The following NIPAL1 variants were observed in gnomAD, a reference collection of about 807,000 sequenced individuals.
NIPAL1 encodes the protein magnesium transporter NIPA3.
Under a neutral mutation model 37.7 loss-of-function variants are expected in NIPAL1, and 35 were observed. The observed-to-expected ratio is 0.93, with a 90% CI of 0.71 to 1.23. The LOEUF is 1.23. Among genes scored for constraint, NIPAL1 ranks in the 50% most tolerant of loss-of-function variants. The pLI, the probability that NIPAL1 is intolerant of heterozygous loss-of-function variation, is 0.00. For synonymous variants in NIPAL1, 162 were observed against 183.0 expected, an observed-to-expected ratio of 0.89 and a Z score of 0.93; for missense variants, 412 against 473.9, an observed-to-expected ratio of 0.87 and a Z score of 1.21.
intron 1 of NIPAL1, among the ~76,000 whole-genome samples, chr4:48,021,627 G>A (rs1715569375): frequency 6.6e-6 from 1 of 151,996 alleles, no homozygotes; most frequent in Non-Finnish European, 1.5e-5. Flanking sequence ...GTTATACAGT[G>A]GAATTCTCTA....
In NIPAL1 at chr4:48,025,396, A is replaced by T; in HGVS notation, c.313+62A>T. The T allele has an allele frequency of 3.4e-6, 5 of 1,462,208 alleles. No homozygotes were observed. In the East Asian group the frequency reaches 1.1e-4, roughly 33 times the overall value. The allele number at this position is 1,462,208 out of a possible 1,614,324, so 90.6% of individuals were successfully genotyped here. A position where few individuals can be genotyped will look rare whatever the true frequency, so the allele number is the denominator to read the frequency against. ...AACTGCAGAAATGATGTGAGGCCAC[A>T]TCTCAGCAATACTCTTATAAACTTG... On this transcript the variant is annotated intron_variant, in intron 2 of 5. Coordinates refer to ENST00000295461, the MANE Select transcript of NIPAL1 (RefSeq NM_207330.3).
intron 1 of NIPAL1, among the ~76,000 whole-genome samples, chr4:48,023,548 G>C (rs1715621947): frequency 6.6e-6 from 1 of 152,092 alleles, no homozygotes; most frequent in African/African-American, 2.4e-5. Context: ...CTTTTGTTTA[G>C]GGTAATTCAT....
At chr4:48,025,391 G>A (rs1346439910) in intron 2 of NIPAL1, 57 bp downstream of exon 2, 1 of 1,497,978 alleles carries the variant, frequency 6.7e-7, no homozygotes, top group African/African-American at 1.4e-5. Context: ...ATGATGTGAG[G>A]CCACATCTCA....
chr4:48,024,283 T>TC (rs1715638188), intron 1 of NIPAL1, among the ~76,000 whole-genome samples: 1 of 151,904 alleles, frequency 6.6e-6, no homozygotes, highest in Admixed American at 6.6e-5. Context: ...ATTTCTTTTT[T>TC]CTTTTTTTCT....
At chr4:48,031,445 T>C (rs1410428874) in intron 3 of NIPAL1, among the ~76,000 whole-genome samples, 2 of 152,172 alleles carry the variant, frequency 1.3e-5, no homozygotes, top group Non-Finnish European at 2.9e-5. Context: ...AGATTCCAGA[T>C]AGGTATTTGG....
chr4:48,022,192 G>A (rs79618449), intron 1 of NIPAL1, among the ~76,000 whole-genome samples: 3,330 of 152,098 alleles, frequency 0.022, 39 homozygotes, highest in Non-Finnish European at 0.033. Flanking sequence ...CAAATTCCCT[G>A]CCCACACACC....
Position 48,035,868 on chromosome 4 carries a change from A to G in NIPAL1, c.929A>G (p.Tyr310Cys). 1 of 1,614,006 alleles carries G rather than the reference A, an allele frequency of 6.2e-7. No individual in the cohort carries two copies. Among genetic ancestry groups the G allele is most frequent in the Non-Finnish European group, 8.5e-7 (1 of 1,179,896 alleles). Residue 310 changes from tyrosine to cysteine, a missense_variant, in exon 6 of 6, where the codon TAT becomes TGT. Coordinates refer to ENST00000295461, the MANE Select transcript of NIPAL1 (RefSeq NM_207330.3). ...AATACCTCTCTTGTGACACCCATTT[A>G]TTATGTATTCTTCACATCCATGGTA... ...TFNTSLVTPIYYVFFTSMVVT... is the reference protein window; with the variant it reads ...TFNTSLVTPICYVFFTSMVVT...
Position 48,035,551 on chromosome 4 carries a change from CCTT to C in NIPAL1, c.623-8_623-6del. Reference sequence around the variant, plus strand: ...ATTTTCTAAAGTCAAATTCTTTTCTCCTTCTAACAGGGTTTATTTCCTTTGCTG... The same window carrying C: ...ATTTTCTAAAGTCAAATTCTTTTCTCCTAACAGGGTTTATTTCCTTTGCTG... On this transcript the variant is annotated splice_region_variant and splice_polypyrimidine_tract_variant and intron_variant, in intron 5 of 5. Transcript: ENST00000295461. 1 of 1,588,352 alleles carries C rather than the reference CCTT, an allele frequency of 6.3e-7. No individual in the cohort carries two copies. Among genetic ancestry groups the C allele is most frequent in the Non-Finnish European group, 8.5e-7 (1 of 1,174,146 alleles).
At position 48,036,198 on chromosome 4, in the gene NIPAL1, C is replaced by T. The variant is rs776814370; in HGVS notation, c.*26C>T. 4 of 1,568,434 alleles carry T rather than the reference C, an allele frequency of 2.6e-6. No homozygotes were observed. The highest frequency in any genetic ancestry group is 4.3e-5 in the Admixed American group (2 of 46,622). On this transcript the variant is annotated 3_prime_UTR_variant, in exon 6 of 6. Transcript: ENST00000295461. ...AGTCTCTAGAAACACTGAGTTTTAA[C>T]CAATATGAGACACACGAAGAGGAAA...
At chr4:48,019,384 CAA>C (rs1715521405) in intron 1 of NIPAL1, among the ~76,000 whole-genome samples, 1 of 152,140 alleles carries the variant, frequency 6.6e-6, no homozygotes, top group Non-Finnish European at 1.5e-5. Context: ...TTAAAAGAAA[CAA>C]ATGCAAATAT....
chr4:48,022,144 T>C (rs1274176939), intron 1 of NIPAL1, among the ~76,000 whole-genome samples: 1 of 152,120 alleles, frequency 6.6e-6, no homozygotes, highest in Non-Finnish European at 1.5e-5. Flanking sequence ...GATAAGCCAA[T>C]TGTGACTTGA....
intron 2 of NIPAL1, among the ~76,000 whole-genome samples, chr4:48,029,059 C>A (rs1715760966): frequency 6.6e-6 from 1 of 152,152 alleles, no homozygotes; most frequent in South Asian, 2.1e-4. Context: ...AGCAGTCCCA[C>A]TACTGGGTAT....
Position 48,035,787 on chromosome 4 carries a change from T to C in NIPAL1, c.848T>C (p.Leu283Pro). Residue 283 changes from leucine (L) to proline (P), a missense_variant, in exon 6 of 6, where the codon CTT becomes CCT. Coordinates refer to ENST00000295461, the MANE Select transcript of NIPAL1 (RefSeq NM_207330.3). ...HPLVFVLLAV[L>P]VLSVTTQINY... The stretch of plus-strand genomic sequence containing the variant: ...CTGGTCTTTGTTTTGCTGGCTGTAC[T>C]TGTGCTTTCAGTAACTACACAGATT... The C allele has an allele frequency of 1.9e-6, 3 of 1,614,234 alleles. No homozygotes were observed. The highest frequency in any genetic ancestry group is 2.5e-6 in the Non-Finnish European group (3 of 1,180,038).
In NIPAL1 at chr4:48,027,425, T is replaced by C. The variant is rs1715717689; in HGVS notation, c.313+2091T>C. 6.6e-6 allele frequency among the ~76,000 whole-genome samples: 1 copy of C among 152,260 alleles called. No homozygotes were observed. The highest frequency in any genetic ancestry group is 2.4e-5 in the African/African-American group (1 of 41,548). Reference sequence around the variant, plus strand: ...TAATTCCAACTTAGTTATTTGTAAATGTAATGACCAATAAACATACATAAA... The same window carrying C: ...TAATTCCAACTTAGTTATTTGTAAACGTAATGACCAATAAACATACATAAA... On this transcript the variant is annotated intron_variant, in intron 2 of 5. Transcript: ENST00000295461. This position sits in a 1 kb window ranked among gnomAD's most constrained non-coding sequence, Gnocchi z 4.1.
chr4:48,020,444 T>A (rs1217852331), intron 1 of NIPAL1, among the ~76,000 whole-genome samples: 2 of 152,188 alleles, frequency 1.3e-5, no homozygotes, highest in African/African-American at 4.8e-5. Context: ...TAGGCAGGTA[T>A]ATCACATATT....
At chr4:48,028,592 G>T (rs1462062126) in intron 2 of NIPAL1, among the ~76,000 whole-genome samples, 1 of 152,028 alleles carries the variant, frequency 6.6e-6, no homozygotes, top group South Asian at 2.1e-4. Context: ...AAAGTAAAAA[G>T]CTTCTGCAGA....
intron 2 of NIPAL1, among the ~76,000 whole-genome samples, chr4:48,028,920 A>T (rs1577625287): frequency 6.6e-6 from 1 of 152,158 alleles, no homozygotes; most frequent in Non-Finnish European, 1.5e-5. Flanking sequence ...AAAACAACAG[A>T]TGTTGACAAG....
rs1715958933 is a variant in NIPAL1, at chr4:48,036,832, G to A, written c.*660G>A. 2 of 153,024 alleles carry A rather than the reference G, an allele frequency of 1.3e-5. No homozygotes were observed. Among genetic ancestry groups the A allele is most frequent in the Non-Finnish European group, 2.9e-5 (2 of 68,668 alleles). The allele number at this position is 153,024 out of a possible 1,614,324, so 9.5% of individuals were successfully genotyped here. On this transcript the variant is annotated 3_prime_UTR_variant, in exon 6 of 6. Coordinates refer to ENST00000295461, the MANE Select transcript of NIPAL1 (RefSeq NM_207330.3). ...AGTTCCAGCCACCCGGGAGCCTGAG[G>A]TGGGAGGATTGCTTGAGTCTGCGAG...
intron 1 of NIPAL1, among the ~76,000 whole-genome samples, chr4:48,021,910 A>G (rs1715579163): frequency 6.6e-6 from 1 of 151,394 alleles, no homozygotes; most frequent in Non-Finnish European, 1.5e-5. Context: ...TATATTTATA[A>G]TATATATTTC....
Sources: gnomAD v4.1 joint callset for allele counts (sites outside exome capture counted in the v4.1 genomes callset) on GRCh38, gnomAD v4.1.1 for gene constraint, Gnocchi (gnomAD v3.1) non-coding constraint, MANE v1.5 for transcripts, NCBI Gene and HGNC (gene_info 2026-07-23, HGNC 2026-07-21) for gene names.